The following ACTR2 variants were observed in gnomAD, a reference collection of about 807,000 sequenced individuals.
The protein encoded by ACTR2 is actin-related protein 2.
In ACTR2, 5 loss-of-function variants were observed where a neutral mutation model predicts 50.2. The observed-to-expected ratio is 0.10, with a 90% CI of 0.05 to 0.21. The LOEUF (loss-of-function observed/expected upper bound fraction) is 0.21. ACTR2 is among the 10% of genes least tolerant of loss of function. The probability of loss-of-function intolerance (pLI) is 1.00; values close to 1 mark genes in which losing one functional copy is unlikely to be tolerated. For synonymous variants in ACTR2, 140 were observed against 162.9 expected (o/e 0.86, Z 1.07); for missense variants, 180 against 480.6 (o/e 0.37, Z 5.85).
intron 6 of ACTR2, among the ~76,000 whole-genome samples, chr2:65,258,132 G>C (rs1328620302): frequency 6.6e-6 from 1 of 152,190 alleles, no homozygotes; most frequent in Non-Finnish European, 1.5e-5. Flanking sequence ...CTTCTTGACA[G>C]TTTCTCTAGT....
At chr2:65,241,834 C>A (rs73936443) in intron 2 of ACTR2, 2 of 447,456 alleles carry the variant, frequency 4.5e-6, no homozygotes. Flanking sequence ...AAATTTAAAT[C>A]GTTTAATGAG....
At chr2:65,262,676 A>C (rs1672290947) in intron 7 of ACTR2, among the ~76,000 whole-genome samples, 1 of 152,122 alleles carries the variant, frequency 6.6e-6, no homozygotes, top group South Asian at 2.1e-4. Flanking sequence ...AGTGAAGTCA[A>C]ACCAGGGGTG....
intron 3 of ACTR2, among the ~76,000 whole-genome samples, chr2:65,247,437 A>C (rs1372700250): frequency 6.6e-6 from 1 of 151,870 alleles, no homozygotes; most frequent in African/African-American, 2.4e-5. Context: ...AAATACAAAA[A>C]ATTAGCCGGG....
chr2:65,239,432 C>G (rs936704017), intron 1 of ACTR2, among the ~76,000 whole-genome samples: 1 of 152,184 alleles, frequency 6.6e-6, no homozygotes, highest in Non-Finnish European at 1.5e-5. Flanking sequence ...TCTGCCTGGG[C>G]AAAAAGAGTG....
intron 6 of ACTR2, 152 bp from the exon 7 acceptor site, chr2:65,261,095 A>T: frequency 1.4e-6 from 1 of 721,068 alleles, no homozygotes; most frequent in Non-Finnish European, 2.2e-6. Flanking sequence ...TATTTAATTT[A>T]CCTTTTTTTC....
At chr2:65,266,999 G>A (rs1279783996) in intron 8 of ACTR2, among the ~76,000 whole-genome samples, 1 of 152,170 alleles carries the variant, frequency 6.6e-6, no homozygotes, top group Admixed American at 6.5e-5. Context: ...GAGCGAGATA[G>A]AAGCAGCAAT....
intron 2 of ACTR2, among the ~76,000 whole-genome samples, chr2:65,240,730 A>G (rs1419982803): frequency 6.6e-6 from 1 of 152,226 alleles, no homozygotes; most frequent in East Asian, 1.9e-4. Context: ...CAAGTTATAC[A>G]GAATGCCATA....
chr2:65,244,635 T>G (rs1178551116), intron 2 of ACTR2, among the ~76,000 whole-genome samples: 1 of 152,188 alleles, frequency 6.6e-6, no homozygotes, highest in East Asian at 1.9e-4. Context: ...AGATTTTTAG[T>G]TTTGCATATT....
intron 6 of ACTR2, among the ~76,000 whole-genome samples, chr2:65,260,771 C>G (rs902308930): frequency 6.7e-6 from 1 of 149,378 alleles, no homozygotes; most frequent in Non-Finnish European, 1.5e-5. Context: ...GCTCTATTGC[C>G]CCTGCTGGAG....
chr2:65,244,990 GAGTAATAAGTTAGTAAGTT>G (rs951058673), intron 2 of ACTR2, among the ~76,000 whole-genome samples: 4 of 149,972 alleles, frequency 2.7e-5, no homozygotes, highest in African/African-American at 7.4e-5. Context: ...TCAGATATTT[GAGTAATAAGTTAGTAAGTT>G]ATGGTAAATG....
intron 2 of ACTR2, among the ~76,000 whole-genome samples, chr2:65,241,145 ACTC>A (rs1347077376): frequency 1.3e-5 from 2 of 151,994 alleles, no homozygotes; most frequent in East Asian, 3.8e-4. Flanking sequence ...CTTATTGTGA[ACTC>A]CTTTCATTCT....
At chr2:65,266,202 A>C (rs1672369877) in intron 8 of ACTR2, among the ~76,000 whole-genome samples, 1 of 152,206 alleles carries the variant, frequency 6.6e-6, no homozygotes, top group Admixed American at 6.5e-5. Flanking sequence ...AGTGGTAATA[A>C]GTGATATGAA....
chr2:65,263,721 T>G (rs1277825714), intron 7 of ACTR2, among the ~76,000 whole-genome samples: 5 of 152,240 alleles, frequency 3.3e-5, no homozygotes, highest in African/African-American at 1.2e-4. Flanking sequence ...TTCTTTGATG[T>G]TCATTCACAG....
At chr2:65,242,483 G>T (rs1573153441) in intron 2 of ACTR2, among the ~76,000 whole-genome samples, 1 of 151,848 alleles carries the variant, frequency 6.6e-6, no homozygotes, top group Non-Finnish European at 1.5e-5. Context: ...GACTGTCATA[G>T]CCTGTATATA....
intron 2 of ACTR2, among the ~76,000 whole-genome samples, chr2:65,240,640 T>TA (rs1327533428): frequency 6.6e-6 from 1 of 152,180 alleles, no homozygotes; most frequent in East Asian, 1.9e-4. Flanking sequence ...AAGTAGGAGT[T>TA]ACAATATTTG....
At chr2:65,237,025 A>T (rs1005413794) in intron 1 of ACTR2, among the ~76,000 whole-genome samples, 3 of 152,232 alleles carry the variant, frequency 2.0e-5, no homozygotes, top group Admixed American at 2.0e-4. Flanking sequence ...CATACTGTTA[A>T]GTCAACAGCA....
At chr2:65,263,932 G>C (rs1034597766) in intron 7 of ACTR2, among the ~76,000 whole-genome samples, 6 of 152,168 alleles carry the variant, frequency 3.9e-5, no homozygotes, top group African/African-American at 9.7e-5. Flanking sequence ...ACGGGTGCCT[G>C]TAATCCCAGC....
chr2:65,260,514 G>C (rs186672428), intron 6 of ACTR2, among the ~76,000 whole-genome samples: 5 of 150,598 alleles, frequency 3.3e-5, no homozygotes, highest in African/African-American at 1.2e-4. Flanking sequence ...CAATCAATCA[G>C]TCAATCAGTG....
At chr2:65,263,777 C>T (rs576966491) in intron 7 of ACTR2, among the ~76,000 whole-genome samples, 10 of 152,266 alleles carry the variant, frequency 6.6e-5, no homozygotes, top group Non-Finnish European at 1.3e-4. Flanking sequence ...CGGTGGCTCA[C>T]GCCTGTAATC....
Sources: gnomAD v4.1 joint callset for allele counts (sites outside exome capture counted in the v4.1 genomes callset) on GRCh38, gnomAD v4.1.1 for gene constraint, MANE v1.5 for transcripts, NCBI Gene and HGNC (gene_info 2026-07-23, HGNC 2026-07-21) for gene names.